CNTNAP2: variants seen among roughly 807,000 people sequenced by gnomAD.
CNTNAP2 encodes contactin-associated protein-like 2.
A neutral mutation model predicts 155.2 loss-of-function variants in CNTNAP2; 98 were observed. The ratio of observed to expected loss-of-function variants is 0.63; its 90% CI spans 0.54 to 0.75. The LOEUF (loss-of-function observed/expected upper bound fraction) is 0.75. CNTNAP2 is among the 30% of genes least tolerant of loss of function. The probability of loss-of-function intolerance (pLI) is 0.00; values close to 1 mark genes in which losing one functional copy is unlikely to be tolerated. For missense variants in CNTNAP2, 1,727 were observed against 1,688.1 expected (o/e 1.02, Z -0.40); for synonymous variants, 651 against 631.2 (o/e 1.03, Z -0.47).
chr7:147,799,094 G>C (rs1797948273), intron 13 of CNTNAP2, among the ~76,000 whole-genome samples: 1 of 152,188 alleles, frequency 6.6e-6, no homozygotes, highest in African/African-American at 2.4e-5. Flanking sequence ...AAGAAGGAGA[G>C]TTTCAGGCAT....
intron 11 of CNTNAP2, among the ~76,000 whole-genome samples, chr7:147,554,084 C>A (rs1055683384): frequency 6.6e-6 from 1 of 152,210 alleles, no homozygotes; most frequent in African/African-American, 2.4e-5. Context: ...TGCTAAGCTT[C>A]TTCGTCCAGA....
At chr7:147,554,681 T>C (rs1432323158) in intron 11 of CNTNAP2, among the ~76,000 whole-genome samples, 1 of 152,152 alleles carries the variant, frequency 6.6e-6, no homozygotes, top group Non-Finnish European at 1.5e-5. Flanking sequence ...TAACATCTCA[T>C]ACAGAAATTA....
chr7:147,662,880 T>C (rs1169585496), intron 13 of CNTNAP2, among the ~76,000 whole-genome samples: 1 of 152,142 alleles, frequency 6.6e-6, no homozygotes, highest in Admixed American at 6.5e-5. Context: ...TAACTCCAAT[T>C]TTTTTATTGT....
chr7:148,155,310 G>T (rs982828959), intron 17 of CNTNAP2, among the ~76,000 whole-genome samples: 3 of 152,210 alleles, frequency 2.0e-5, no homozygotes, highest in Non-Finnish European at 4.4e-5. Context: ...AGGCAAGGAA[G>T]ATCTTCATTC....
chr7:146,626,755 A>T (rs1028540793), intron 1 of CNTNAP2, among the ~76,000 whole-genome samples: 12 of 152,162 alleles, frequency 7.9e-5, no homozygotes, highest in African/African-American at 2.9e-4. Flanking sequence ...AATAATAGTT[A>T]AAAATTAGTG....
At chr7:148,025,147 C>A (rs1223457106) in intron 15 of CNTNAP2, among the ~76,000 whole-genome samples, 1 of 152,156 alleles carries the variant, frequency 6.6e-6, no homozygotes, top group African/African-American at 2.4e-5. Context: ...TAAACAATAA[C>A]CAGCTATTGT....
At chr7:148,414,111 CCCT>C (rs376813291) in intron 23 of CNTNAP2, among the ~76,000 whole-genome samples, 2,524 of 93,736 alleles carry the variant, frequency 0.027, 108 homozygotes, top group African/African-American at 0.082. Context: ...CCCCCCCCCC[CCCT>C]CACACAAGCT....
chr7:146,129,930 G>A (rs1011045412), intron 1 of CNTNAP2, among the ~76,000 whole-genome samples: 2 of 152,062 alleles, frequency 1.3e-5, no homozygotes, highest in African/African-American at 4.8e-5. Flanking sequence ...TAACATTTTA[G>A]CTAAAACCTA....
intron 1 of CNTNAP2, among the ~76,000 whole-genome samples, chr7:146,347,089 C>A (rs996588502): frequency 1.5e-5 from 2 of 132,024 alleles, no homozygotes; most frequent in South Asian, 2.4e-4. Flanking sequence ...AGTGCTTTGG[C>A]ATGTATCAAT....
intron 9 of CNTNAP2, among the ~76,000 whole-genome samples, chr7:147,348,362 GACAT>G (rs1563169799): frequency 8.0e-6 from 1 of 124,720 alleles, no homozygotes; most frequent in Non-Finnish European, 1.6e-5. Context: ...CTCAAAAGAA[GACAT>G]ACAAATAGCA....
At chr7:147,029,549 GT>G (rs11370307) in intron 3 of CNTNAP2, among the ~76,000 whole-genome samples, 23,872 of 147,552 alleles carry the variant, frequency 0.16, 2,275 homozygotes, top group African/African-American at 0.27. Flanking sequence ...TGTAAAAAGG[GT>G]TTTTTTTTTT....
intron 13 of CNTNAP2, among the ~76,000 whole-genome samples, chr7:147,829,941 C>T (rs1319470950): frequency 6.6e-6 from 1 of 152,006 alleles, no homozygotes; most frequent in Non-Finnish European, 1.5e-5. Context: ...CTGTAGAAAT[C>T]TCACATCTGC....
At chr7:148,321,891 ATTC>A (rs1406841288) in intron 21 of CNTNAP2, among the ~76,000 whole-genome samples, 5 of 150,680 alleles carry the variant, frequency 3.3e-5, no homozygotes, top group Admixed American at 1.3e-4. Flanking sequence ...AGAACTATAA[ATTC>A]TTCTTTTTTT....
rs1454614580 is a variant in CNTNAP2, at chr7:147,553,980, GA to G, written c.1778-8155del. Reference sequence around the variant, plus strand: ...TATCTCAAAAGAAAAGAAAAAAAAGGAAATGAGAGAGAGAAGGTTAGAGATG... The same window carrying G: ...TATCTCAAAAGAAAAGAAAAAAAAGGAATGAGAGAGAGAAGGTTAGAGATG... On this transcript the variant is annotated intron_variant, in intron 11 of 23. Coordinates refer to ENST00000361727, the MANE Select transcript of CNTNAP2 (RefSeq NM_014141.6). Among the ~76,000 whole-genome samples, 7 of 152,260 alleles carry G rather than the reference GA, an allele frequency of 4.6e-5. No homozygotes were observed. The East Asian group carries it at 9.6e-4, about 21-fold the overall frequency.
intron 14 of CNTNAP2, 143 bp from the exon 15 acceptor site, chr7:147,977,719 A>G: frequency 1.7e-6 from 2 of 1,159,810 alleles, no homozygotes; most frequent in Non-Finnish European, 2.5e-6. Flanking sequence ...AAGAGAGAGA[A>G]CAACTCTTTA....
At chr7:147,090,057 A>G (rs991872737) in intron 4 of CNTNAP2, among the ~76,000 whole-genome samples, 4 of 152,176 alleles carry the variant, frequency 2.6e-5, no homozygotes, top group African/African-American at 9.7e-5. Context: ...CAGCTACCTC[A>G]GGGAAGTCAG....
intron 20 of CNTNAP2, among the ~76,000 whole-genome samples, chr7:148,248,576 G>A (rs897632064): frequency 6.6e-6 from 1 of 152,106 alleles, no homozygotes; most frequent in South Asian, 2.1e-4. Context: ...TTCTTGTCGT[G>A]TGTATCTGTG....
intron 8 of CNTNAP2, among the ~76,000 whole-genome samples, chr7:147,154,742 A>G (rs1801890380): frequency 6.6e-6 from 1 of 152,164 alleles, no homozygotes; most frequent in African/African-American, 2.4e-5. Context: ...AGCAACTTCT[A>G]AAACTATCCT....
chr7:147,805,673 A>C (rs1486594833), intron 13 of CNTNAP2, among the ~76,000 whole-genome samples: 1 of 152,160 alleles, frequency 6.6e-6, no homozygotes, highest in Non-Finnish European at 1.5e-5. Flanking sequence ...TCTAGCCTCT[A>C]TTAAAATGAT....
Sources: allele counts gnomAD v4.1 joint callset (sites outside exome capture counted in the v4.1 genomes callset), GRCh38; gene constraint gnomAD v4.1.1; transcripts MANE v1.5; gene names NCBI Gene and HGNC (gene_info 2026-07-23, HGNC 2026-07-21).